Variants in DTNB observed in about 807,000 individuals in gnomAD.
DTNB encodes the protein dystrobrevin beta.
DTNB carries 63 observed loss-of-function variants against 90.7 expected under a neutral mutation model. The ratio of observed to expected loss-of-function variants is 0.69; its 90% CI spans 0.57 to 0.86. The LOEUF is 0.86. Ranked by LOEUF, DTNB falls within the 40% of genes least tolerant of loss-of-function variation. DTNB has a pLI of 0.00. For synonymous variants in DTNB, 277 were observed against 286.7 expected (o/e 0.97, Z 0.34); for missense variants, 744 against 807.1 (o/e 0.92, Z 0.95).
chr2:25,559,274 A>C (rs2057872010), intron 8 of DTNB, among the ~76,000 whole-genome samples: 1 of 151,986 alleles, frequency 6.6e-6, no homozygotes, highest in Non-Finnish European at 1.5e-5. Flanking sequence ...TCCGAGGCTT[A>C]CGCATCAACC....
intron 9 of DTNB, among the ~76,000 whole-genome samples, chr2:25,528,658 T>C (rs985534840): frequency 6.6e-6 from 1 of 152,154 alleles, no homozygotes. Context: ...AGAAATATAA[T>C]TCAGAAAATA....
chr2:25,403,472 A>T (rs1422798777), intron 16 of DTNB, among the ~76,000 whole-genome samples: 1 of 152,146 alleles, frequency 6.6e-6, no homozygotes, highest in African/African-American at 2.4e-5. Context: ...CAAAATGATG[A>T]GAGACCTCAC....
At chr2:25,602,429 T>C (rs923473498) in intron 5 of DTNB, among the ~76,000 whole-genome samples, 3 of 152,240 alleles carry the variant, frequency 2.0e-5, no homozygotes, top group African/African-American at 7.2e-5. Context: ...CACTTCCATC[T>C]ACTGAGGAGA....
intron 7 of DTNB, 29 bp downstream of exon 7, chr2:25,580,692 C>A (rs763943817): frequency 1.1e-5 from 18 of 1,570,712 alleles, no homozygotes; most frequent in Non-Finnish European, 1.5e-5. Flanking sequence ...CTATAGCATG[C>A]GGAATTGAAC....
intron 6 of DTNB, 41 bp downstream of exon 6, chr2:25,596,045 G>A: frequency 1.3e-6 from 2 of 1,506,276 alleles, no homozygotes; most frequent in Non-Finnish European, 1.8e-6. Flanking sequence ...AGGGAGGGAA[G>A]AGCGCTCTTC....
chr2:25,636,823 G>A, intron 3 of DTNB, among the ~76,000 whole-genome samples: 1 of 150,840 alleles, frequency 6.6e-6, no homozygotes, highest in South Asian at 2.1e-4. Flanking sequence ...AGCATTAATG[G>A]GTAACAACTC....
At chr2:25,516,356 T>C (rs1389220527) in intron 9 of DTNB, among the ~76,000 whole-genome samples, 2 of 151,876 alleles carry the variant, frequency 1.3e-5, no homozygotes, top group Non-Finnish European at 2.9e-5. Context: ...AAGTCATCCT[T>C]CTACCTCAGC....
chr2:25,514,673 A>T lies in DTNB; in HGVS notation c.1001+16800T>A, dbSNP rs931359423. On this transcript the variant is annotated intron_variant, in intron 9 of 20. Coordinates refer to ENST00000406818, the MANE Select transcript of DTNB (RefSeq NM_021907.5). ...GTTCACATAAAAAGAAACATCTTTGAAAAAAATCTTTTTTTTTTTTTTTTT... is the reference window on the plus strand; with the variant it reads ...GTTCACATAAAAAGAAACATCTTTGTAAAAAATCTTTTTTTTTTTTTTTTT... Among the ~76,000 whole-genome samples, 6 of 150,310 alleles carry T rather than the reference A, an allele frequency of 4.0e-5. No individual in the cohort carries two copies. In the South Asian group the frequency reaches 1.0e-3, roughly 26 times the overall value.
At chr2:25,628,078 CA>C in intron 4 of DTNB, 92 bp downstream of exon 4, 2 of 1,359,054 alleles carry the variant, frequency 1.5e-6, no homozygotes, top group Non-Finnish European at 2.1e-6. Context: ...GCCAGCTTAG[CA>C]AGGCAACTTA....
At chr2:25,512,778 G>C (rs1558828724) in intron 9 of DTNB, among the ~76,000 whole-genome samples, 1 of 152,190 alleles carries the variant, frequency 6.6e-6, no homozygotes, top group Non-Finnish European at 1.5e-5. Flanking sequence ...GCCGGGCTGG[G>C]ACATCATGAG....
chr2:25,404,515 G>A (rs984208432), intron 16 of DTNB, among the ~76,000 whole-genome samples: 2 of 152,050 alleles, frequency 1.3e-5, no homozygotes, highest in African/African-American at 4.8e-5. Flanking sequence ...TGTCGGCGGT[G>A]AGCAGCCAGA....
chr2:25,584,310 C>A (rs923210812), intron 6 of DTNB, among the ~76,000 whole-genome samples: 3 of 152,100 alleles, frequency 2.0e-5, no homozygotes, highest in African/African-American at 7.2e-5. Context: ...CTGTCCGGGG[C>A]CAAATTTTCT....
intron 9 of DTNB, among the ~76,000 whole-genome samples, chr2:25,485,776 A>C (rs1459790482): frequency 1.3e-5 from 2 of 152,124 alleles, no homozygotes; most frequent in Non-Finnish European, 2.9e-5. Context: ...AGAAGGCATA[A>C]CATGGCCTGG....
At position 25,464,234 on chromosome 2, in the gene DTNB, T is replaced by C. The variant is rs936650602; in HGVS notation, c.1080-8740A>G. ...TGTACACACTGATTTCTAATACCATTCTCTAATAAAGGAGCCAGGGCTCCC... is the reference window on the plus strand; with the variant it reads ...TGTACACACTGATTTCTAATACCATCCTCTAATAAAGGAGCCAGGGCTCCC... On this transcript the variant is annotated intron_variant, in intron 10 of 20. Coordinates refer to ENST00000406818, the MANE Select transcript of DTNB (RefSeq NM_021907.5). Among the ~76,000 whole-genome samples, 3 of 151,998 alleles carry C rather than the reference T, an allele frequency of 2.0e-5. No homozygotes were observed. In the East Asian group the frequency reaches 5.8e-4, roughly 29 times the overall value.
intron 9 of DTNB, among the ~76,000 whole-genome samples, chr2:25,484,550 CTT>C (rs1393939253): frequency 6.6e-6 from 1 of 152,060 alleles, no homozygotes; most frequent in Non-Finnish European, 1.5e-5. Flanking sequence ...TATCTATGCA[CTT>C]TTTTTTCTTC....
intron 3 of DTNB, among the ~76,000 whole-genome samples, chr2:25,637,885 G>T (rs858655): frequency 0.52 from 78,888 of 151,950 alleles, 20,789 homozygotes; most frequent in East Asian, 0.79. Flanking sequence ...TTATAAATCA[G>T]GCTGCTATAA....
chr2:25,467,578 A>G (rs967537392), intron 10 of DTNB, among the ~76,000 whole-genome samples: 2 of 152,188 alleles, frequency 1.3e-5, no homozygotes, highest in Admixed American at 1.3e-4. Context: ...TGCTGGGATT[A>G]GAGGTGTGAG....
At chr2:25,634,360 G>C (rs1210484779) in intron 3 of DTNB, among the ~76,000 whole-genome samples, 18 of 137,042 alleles carry the variant, frequency 1.3e-4, no homozygotes, top group South Asian at 7.3e-4. Context: ...CGCCCGGCCA[G>C]CCGCCCCGTC....
chr2:25,612,887 T>C (rs1297183333), intron 4 of DTNB, among the ~76,000 whole-genome samples: 1 of 152,102 alleles, frequency 6.6e-6, no homozygotes, highest in African/African-American at 2.4e-5. Flanking sequence ...ACAGATAAAC[T>C]GAATAGACCC....
Sources: allele counts gnomAD v4.1 joint callset (sites outside exome capture counted in the v4.1 genomes callset), GRCh38; gene constraint gnomAD v4.1.1; transcripts MANE v1.5; gene names NCBI Gene and HGNC (gene_info 2026-07-23, HGNC 2026-07-21).